EYS: variants seen among roughly 807,000 people sequenced by gnomAD.
EYS encodes EGF-like photoreceptor maintenance factor.
EYS carries 250 observed loss-of-function variants against 282.1 expected under a neutral mutation model. The ratio of observed to expected loss-of-function variants is 0.89; its 90% CI spans 0.80 to 0.98. The LOEUF (loss-of-function observed/expected upper bound fraction) is 0.98, where lower values mean the gene tolerates loss of function less well. EYS is among the 50% of genes least tolerant of loss of function. The pLI is 0.00. For missense variants in EYS, 4,016 were observed against 3,709.0 expected (o/e 1.08, Z -2.15); for synonymous variants, 1,355 against 1,282.9 (o/e 1.06, Z -1.20).
At chr6:65,397,721 AGTGCAG>A (rs1263294824) in intron 7 of EYS, among the ~76,000 whole-genome samples, 1 of 151,772 alleles carries the variant, frequency 6.6e-6, no homozygotes, top group Non-Finnish European at 1.5e-5. Flanking sequence ...TAAACATATG[AGTGCAG>A]GTGCTATTTT....
intron 12 of EYS, among the ~76,000 whole-genome samples, chr6:65,266,448 AG>A (rs1767754830): frequency 6.6e-6 from 1 of 151,934 alleles, no homozygotes; most frequent in South Asian, 2.1e-4. Context: ...GGCACCTAAA[AG>A]CTACTTTACA....
intron 28 of EYS, among the ~76,000 whole-genome samples, chr6:64,411,446 C>T (rs1773887381): frequency 6.6e-6 from 1 of 151,888 alleles, no homozygotes; most frequent in Non-Finnish European, 1.5e-5. Context: ...AAATGGAATC[C>T]AAAAAATCAG....
intron 22 of EYS, among the ~76,000 whole-genome samples, chr6:64,797,135 C>T (rs868117998): frequency 6.6e-6 from 1 of 152,054 alleles, no homozygotes; most frequent in Non-Finnish European, 1.5e-5. Context: ...TTCAAAATAA[C>T]AAATGTTGTG....
At chr6:65,439,914 C>G (rs1045148905) in intron 5 of EYS, among the ~76,000 whole-genome samples, 2 of 151,894 alleles carry the variant, frequency 1.3e-5, no homozygotes, top group African/African-American at 4.8e-5. Context: ...AATGAGTGAA[C>G]AGTTCATAAT....
intron 1 of EYS, among the ~76,000 whole-genome samples, chr6:65,701,211 T>G (rs1769661903): frequency 6.6e-6 from 1 of 152,178 alleles, no homozygotes; most frequent in Non-Finnish European, 1.5e-5. Flanking sequence ...TTAAAATTAT[T>G]CTCCCATTAT....
intron 1 of EYS, among the ~76,000 whole-genome samples, chr6:65,668,508 G>C (rs1768274308): frequency 6.6e-6 from 1 of 151,650 alleles, no homozygotes; most frequent in Non-Finnish European, 1.5e-5. Flanking sequence ...TACAATGACA[G>C]GATCATTGCA....
At chr6:64,826,057 T>G (rs929650160) in intron 19 of EYS, among the ~76,000 whole-genome samples, 1 of 151,852 alleles carries the variant, frequency 6.6e-6, no homozygotes, top group Admixed American at 6.6e-5. Context: ...AAAGTCTCAG[T>G]CTCAGTTTTT....
At chr6:65,360,175 C>G (rs1022092730) in intron 8 of EYS, among the ~76,000 whole-genome samples, 1 of 151,788 alleles carries the variant, frequency 6.6e-6, no homozygotes, top group Admixed American at 6.6e-5. Context: ...ATTCACTTAT[C>G]CTTCTGAAGT....
intron 14 of EYS, among the ~76,000 whole-genome samples, chr6:64,981,809 G>A (rs922927799): frequency 6.6e-6 from 1 of 151,286 alleles, no homozygotes; most frequent in African/African-American, 2.4e-5. Flanking sequence ...GGGTTAGAAG[G>A]GAATAATTGG....
intron 1 of EYS, among the ~76,000 whole-genome samples, chr6:65,686,050 C>A (rs9453364): frequency 2.6e-5 from 4 of 151,846 alleles, no homozygotes; most frequent in East Asian, 1.9e-4. Flanking sequence ...ATTGTTCTAC[C>A]TGAAGAATGT....
At chr6:65,264,194 T>C (rs1438611794) in intron 12 of EYS, among the ~76,000 whole-genome samples, 2 of 152,128 alleles carry the variant, frequency 1.3e-5, no homozygotes, top group African/African-American at 2.4e-5. Flanking sequence ...TTTGAACCAA[T>C]TTAAAGTTAT....
intron 13 of EYS, among the ~76,000 whole-genome samples, chr6:65,030,637 G>C (rs1226669252): frequency 6.6e-6 from 1 of 152,162 alleles, no homozygotes; most frequent in Non-Finnish European, 1.5e-5. Flanking sequence ...GTTGCCAGTG[G>C]ACAGGGCATA....
intron 15 of EYS, among the ~76,000 whole-genome samples, chr6:64,931,890 C>G (rs1413381420): frequency 1.3e-5 from 2 of 151,982 alleles, no homozygotes; most frequent in African/African-American, 4.8e-5. Flanking sequence ...GATTGTAGAA[C>G]CCATATTTAT....
intron 40 of EYS, among the ~76,000 whole-genome samples, chr6:63,769,993 G>A (rs1180744828): frequency 6.6e-6 from 1 of 151,962 alleles, no homozygotes; most frequent in Non-Finnish European, 1.5e-5. Context: ...CGTTACCAAG[G>A]TGAGTACAAA....
At chr6:64,320,559 C>G (rs926797661) in intron 29 of EYS, among the ~76,000 whole-genome samples, 1 of 151,628 alleles carries the variant, frequency 6.6e-6, no homozygotes, top group South Asian at 2.1e-4. Flanking sequence ...ATACTAGATT[C>G]TTATTTTTTA....
At chr6:64,044,058 A>G (rs1019057596) in intron 33 of EYS, among the ~76,000 whole-genome samples, 3 of 152,178 alleles carry the variant, frequency 2.0e-5, no homozygotes, top group African/African-American at 7.2e-5. Context: ...GCACATGTTC[A>G]GTTAGCTTTG....
At chr6:64,627,874 T>C (rs1015619612) in intron 22 of EYS, among the ~76,000 whole-genome samples, 1 of 152,042 alleles carries the variant, frequency 6.6e-6, no homozygotes, top group Non-Finnish European at 1.5e-5. Context: ...GGTCAGGAGA[T>C]CGAGACCATC....
chr6:65,330,383 A>C, intron 11 of EYS: 7 of 984,550 alleles, frequency 7.1e-6, no homozygotes, highest in Non-Finnish European at 7.2e-6. Flanking sequence ...AGTCATGAAC[A>C]CTTCACAGTC....
At chr6:64,347,321 AATT>A (rs1771446148) in intron 29 of EYS, among the ~76,000 whole-genome samples, 1 of 151,476 alleles carries the variant, frequency 6.6e-6, no homozygotes, top group Non-Finnish European at 1.5e-5. Context: ...GATATTAAGA[AATT>A]ATTATTAATC....
Sources: allele counts gnomAD v4.1 joint callset (sites outside exome capture counted in the v4.1 genomes callset), GRCh38; gene constraint gnomAD v4.1.1; transcripts MANE v1.5; gene names NCBI Gene and HGNC (gene_info 2026-07-23, HGNC 2026-07-21).